The following NOX4 variants were observed in gnomAD, a reference collection of about 807,000 sequenced individuals.
The protein encoded by NOX4 is NADPH oxidase 4, also known as kidney oxidase-1.
NOX4 carries 69 observed loss-of-function variants against 87.6 expected under a neutral mutation model. The observed-to-expected ratio is 0.79, with a 90% CI of 0.65 to 0.96. The LOEUF (loss-of-function observed/expected upper bound fraction) is 0.96. Among genes scored for constraint, NOX4 ranks in the 40% least tolerant of loss-of-function variants. The pLI, the probability that NOX4 is intolerant of heterozygous loss-of-function variation, is 0.00. For synonymous variants in NOX4, 275 were observed against 238.2 expected (o/e 1.15, Z -1.42); for missense variants, 680 against 681.5 (o/e 1.00, Z 0.02).
rs564066987 is a variant in NOX4, at chr11:89,448,318, G to A, written c.349+1122C>T. The stretch of plus-strand genomic sequence containing the variant: ...GATAGAACCTACGCATGGACTCCTC[G>A]GAATCCATGTCCTTCATCACTATGT... On this transcript the variant is annotated intron_variant, in intron 4 of 17. Transcript: ENST00000263317. Among the ~76,000 whole-genome samples the A allele has an allele frequency of 5.9e-5, 9 of 152,106 alleles. No homozygotes were observed. In the East Asian group the frequency reaches 1.2e-3, roughly 20 times the overall value.
Position 89,479,005 on chromosome 11 carries a change from A to G in NOX4, c.153+11453T>C, listed in dbSNP as rs182065990. Among the ~76,000 whole-genome samples the G allele has an allele frequency of 9.4e-3, 1,317 of 140,308 alleles. 23 individuals carry two copies. The highest frequency in any genetic ancestry group is 0.012 in the Non-Finnish European group (797 of 66,742). The allele number at this position is 140,308 out of a possible 152,430, so 92.0% of individuals were successfully genotyped here. ...ACATAATGAGATCCTGTTTTGTTTC[A>G]TCTTAAAAAAAAAAAAAATGAAATG... is the stretch of plus-strand genomic sequence containing the variant. On this transcript the variant is annotated intron_variant, in intron 2 of 17. Transcript: ENST00000263317.
At chr11:89,357,851 C>G (rs543427615) in intron 12 of NOX4, among the ~76,000 whole-genome samples, 2 of 151,830 alleles carry the variant, frequency 1.3e-5, no homozygotes, top group Non-Finnish European at 2.9e-5. Flanking sequence ...GACAATAATT[C>G]CAGAGAAAAG....
intron 12 of NOX4, among the ~76,000 whole-genome samples, chr11:89,359,382 T>A (rs1318912563): frequency 6.9e-6 from 1 of 145,898 alleles, no homozygotes; most frequent in South Asian, 2.2e-4. Flanking sequence ...AGTAGGCATT[T>A]TTTTTTTTTT....
intron 7 of NOX4, among the ~76,000 whole-genome samples, chr11:89,431,307 T>C (rs1444321210): frequency 2.0e-5 from 3 of 152,184 alleles, no homozygotes; most frequent in African/African-American, 7.2e-5. Flanking sequence ...AAGGACTTCA[T>C]GTCTAAAACA....
the NOX4 span, among the ~76,000 whole-genome samples, chr11:89,509,170 A>G: frequency 6.0e-4 from 92 of 152,220 alleles, no homozygotes; most frequent in African/African-American, 2.1e-3. Context: ...AAACCTAATT[A>G]CCATTTTTCT....
intron 12 of NOX4, among the ~76,000 whole-genome samples, chr11:89,360,013 ACT>A (rs1397835953): frequency 1.3e-5 from 2 of 151,836 alleles, no homozygotes; most frequent in African/African-American, 4.8e-5. Flanking sequence ...AAAGATTAAG[ACT>A]CTATTAAAGT....
intron 3 of NOX4, 48 bp from the exon 4 acceptor site, chr11:89,449,572 T>C (rs1944860255): frequency 4.8e-6 from 7 of 1,468,070 alleles, no homozygotes; most frequent in Non-Finnish European, 6.6e-6. Context: ...ACAAATGTGA[T>C]AAAAGTTTTT....
intron 12 of NOX4, among the ~76,000 whole-genome samples, chr11:89,361,297 C>A (rs1162186119): frequency 6.6e-6 from 1 of 152,032 alleles, no homozygotes; most frequent in Non-Finnish European, 1.5e-5. Flanking sequence ...ATGTCTTTTG[C>A]AGCAACTTGG....
intron 17 of NOX4, among the ~76,000 whole-genome samples, chr11:89,330,608 C>G (rs1945427298): frequency 7.0e-6 from 1 of 142,138 alleles, no homozygotes; most frequent in Non-Finnish European, 1.5e-5. Context: ...GAACCAACAA[C>G]CTAAAGCAAT....
chr11:89,427,396 A>G (rs1361933275), intron 7 of NOX4, among the ~76,000 whole-genome samples: 5 of 152,214 alleles, frequency 3.3e-5, no homozygotes, highest in Non-Finnish European at 7.3e-5. Flanking sequence ...GAGTTGAGAG[A>G]AGAAGGCTTC....
chr11:89,349,721 T>C (rs1211549472), intron 13 of NOX4, among the ~76,000 whole-genome samples: 1 of 152,172 alleles, frequency 6.6e-6, no homozygotes. Flanking sequence ...GAGAACCAAG[T>C]AGAAACAGTT....
the NOX4 span, among the ~76,000 whole-genome samples, chr11:89,535,174 C>T: frequency 6.6e-6 from 1 of 151,962 alleles, no homozygotes; most frequent in Non-Finnish European, 1.5e-5. Context: ...AATCTCAGTC[C>T]CCTAAGATAA....
intron 2 of NOX4, among the ~76,000 whole-genome samples, chr11:89,471,211 C>T (rs761777916): frequency 3.9e-5 from 6 of 152,036 alleles, no homozygotes; most frequent in Admixed American, 6.6e-5. Context: ...TAATGGTTTA[C>T]GTATTTATCT....
At chr11:89,400,455 T>A in intron 9 of NOX4, 76 bp from the exon 10 acceptor site, 1 of 989,036 alleles carries the variant, frequency 1.0e-6, no homozygotes, top group Non-Finnish European at 1.4e-6. Context: ...AATTGCTTAT[T>A]GCATACATTA....
chr11:89,366,538 T>C (rs1939004291), intron 12 of NOX4, among the ~76,000 whole-genome samples: 1 of 151,758 alleles, frequency 6.6e-6, no homozygotes, highest in Middle Eastern at 3.4e-3. Flanking sequence ...TAGCCAGGCA[T>C]GGTGGTCTGA....
chr11:89,375,840 T>C (rs1939801530), intron 11 of NOX4, among the ~76,000 whole-genome samples: 1 of 152,150 alleles, frequency 6.6e-6, no homozygotes, highest in Non-Finnish European at 1.5e-5. Flanking sequence ...GTGAACTAGA[T>C]CTCAGGTTAT....
At chr11:89,467,859 G>C (rs1945774935) in intron 2 of NOX4, among the ~76,000 whole-genome samples, 1 of 152,192 alleles carries the variant, frequency 6.6e-6, no homozygotes, top group Non-Finnish European at 1.5e-5. Context: ...GTGGACAACA[G>C]ATGTTAAGGA....
chr11:89,491,200 T>C lies in NOX4; in HGVS notation c.47A>G (p.His16Arg). 3.7e-6 allele frequency: 6 copies of C among 1,613,524 alleles called. No homozygotes were observed. Among genetic ancestry groups the C allele is most frequent in the Non-Finnish European group, 5.1e-6 (6 of 1,179,818 alleles). Residue 16 changes from histidine to arginine, a missense_variant, in exon 1 of 18, where the codon CAC (histidine) becomes CGC (arginine). Coordinates refer to ENST00000263317, the MANE Select transcript of NOX4 (RefSeq NM_016931.5). ...RSWLANEGVK[H>R]LCLFIWLSMN... is the part of the protein sequence containing the mutation. Reference sequence around the variant, plus strand: ...AGCCCGCCATCCTACCAGGCAGAGGTGTTTAACCCCTTCGTTGGCGAGCCA... The same window carrying C: ...AGCCCGCCATCCTACCAGGCAGAGGCGTTTAACCCCTTCGTTGGCGAGCCA...
chr11:89,500,875 A>G (rs1293340657), upstream of NOX4, among the ~76,000 whole-genome samples: 9 of 152,124 alleles, frequency 5.9e-5, no homozygotes. Flanking sequence ...TTAACTTATT[A>G]TAGCCTGTTA....
Sources: allele counts gnomAD v4.1 joint callset (sites outside exome capture counted in the v4.1 genomes callset), GRCh38; gene constraint gnomAD v4.1.1; transcripts MANE v1.5; gene names NCBI Gene and HGNC (gene_info 2026-07-23, HGNC 2026-07-21).